Variants in SIGMAR1 observed in about 807,000 individuals in gnomAD.
SIGMAR1 encodes sigma non-opioid intracellular receptor 1.
Under a neutral mutation model 25.4 loss-of-function variants are expected in SIGMAR1, and 18 were observed. The observed-to-expected ratio is 0.71, with a 90% CI of 0.49 to 1.05. The LOEUF (loss-of-function observed/expected upper bound fraction) is 1.05. Among genes scored for constraint, SIGMAR1 ranks in the 50% least tolerant of loss-of-function variants. The pLI is 0.00. For missense variants in SIGMAR1, 249 were observed against 301.6 expected (o/e 0.83, Z 1.29); for synonymous variants, 125 against 131.6 (o/e 0.95, Z 0.34).
chr9:34,637,158 AAGG>A, intron 2 of SIGMAR1, 59 bp downstream of exon 2: 1 of 1,595,760 alleles, frequency 6.3e-7, no homozygotes, highest in South Asian at 1.1e-5. Flanking sequence ...AAACATCAGA[AAGG>A]AGGGCATGGG....
Position 34,635,956 on chromosome 9 carries a change from G to A in SIGMAR1, c.446-98C>T, listed in dbSNP as rs1820841554. ...CATGGACTAACTAGGGGTGGGGAAT[G>A]GAGAGGGAGCTTCAGAAAAACAAAA... On this transcript the variant is annotated intron_variant, in intron 3 of 3. Coordinates refer to ENST00000277010, the MANE Select transcript of SIGMAR1 (RefSeq NM_005866.4). This position sits in a 1 kb window ranked among gnomAD's most constrained non-coding sequence, Gnocchi z 4.5. 1.3e-6 allele frequency: 2 copies of A among 1,547,550 alleles called. No homozygotes were observed. The highest frequency in any genetic ancestry group is 1.8e-6 in the Non-Finnish European group (2 of 1,142,832).
At chr9:34,637,161 G>A in intron 2 of SIGMAR1, 59 bp downstream of exon 2, 1 of 1,589,834 alleles carries the variant, frequency 6.3e-7, no homozygotes, top group Non-Finnish European at 8.5e-7. Flanking sequence ...CATCAGAAAG[G>A]AGGGCATGGG....
At position 34,637,365 on chromosome 9, in the gene SIGMAR1, G is replaced by T; in HGVS notation, c.207C>A (p.His69Gln). 1 of 1,605,750 alleles carries T rather than the reference G, an allele frequency of 6.2e-7. No homozygotes were observed. The highest frequency in any genetic ancestry group is 8.5e-7 in the Non-Finnish European group (1 of 1,179,494). The change falls in exon 2 of 4, where the codon CAC becomes CAA. Residue 69 changes from histidine to glutamine, a missense_variant. Transcript: ENST00000277010. ...CCTCGTCGGGCAGCACGTGGCCTGG[G>T]TGCAGCCGCCGCAGCTCCACGATCA... Reference protein sequence around the residue: ...SRLIVELRRLHPGHVLPDEEL... With the variant: ...SRLIVELRRLQPGHVLPDEEL...
Position 34,637,247 on chromosome 9 carries a change from T to C in SIGMAR1, c.325A>G (p.Thr109Ala). Residue 109 changes from threonine to alanine, a missense_variant, in exon 2 of 4, where the codon ACC (threonine) becomes GCC (alanine). By Grantham distance (58) the Thr-to-Ala change is moderately conservative. Transcript: ENST00000277010. ...GAGTGGCCGCGGGAGCCCAAGGCGGTGCCGAAGAGCAGCACATACTCGGAC... is the reference window on the plus strand; with the variant it reads ...GAGTGGCCGCGGGAGCCCAAGGCGGCGCCGAAGAGCAGCACATACTCGGAC... ...SLSEYVLLFG[T>A]ALGSRGHSGR... The C allele has an allele frequency of 6.4e-7, 1 of 1,561,976 alleles. No individual in the cohort carries two copies. Among genetic ancestry groups the C allele is most frequent in the Non-Finnish European group, 8.6e-7 (1 of 1,158,248 alleles).
In SIGMAR1 at chr9:34,635,603, T is replaced by A; in HGVS notation, c.*29A>T. 6.2e-7 allele frequency: 1 copy of A among 1,613,840 alleles called. No homozygotes were observed. The highest frequency in any genetic ancestry group is 8.5e-7 in the Non-Finnish European group (1 of 1,179,846). On this transcript the variant is annotated 3_prime_UTR_variant, in exon 4 of 4. Coordinates refer to ENST00000277010, the MANE Select transcript of SIGMAR1 (RefSeq NM_005866.4). This position sits in a 1 kb window ranked among gnomAD's most constrained non-coding sequence, Gnocchi z 4.5. ...GTGCGGGCCTGCCCGCTCCTGTCTATCCGCAGGTCTTCCTTCAGGCCTGGC... is the reference window on the plus strand; with the variant it reads ...GTGCGGGCCTGCCCGCTCCTGTCTAACCGCAGGTCTTCCTTCAGGCCTGGC...
At chr9:34,636,932 C>T in intron 3 of SIGMAR1, 65 bp downstream of exon 3, 3 of 1,326,238 alleles carry the variant, frequency 2.3e-6, no homozygotes, top group Non-Finnish European at 2.1e-6. Flanking sequence ...ATGCCATGCT[C>T]CCCGCAATTG....
chr9:34,636,823 C>A, intron 3 of SIGMAR1, 174 bp downstream of exon 3: 1 of 653,598 alleles, frequency 1.5e-6, no homozygotes, highest in Non-Finnish European at 2.8e-6. Flanking sequence ...CAGAGGAAAG[C>A]AAGAGTCCCT....
chr9:34,637,482 G>C, intron 1 of SIGMAR1, 62 bp from the exon 2 acceptor site: 1 of 1,581,238 alleles, frequency 6.3e-7, no homozygotes, highest in Non-Finnish European at 8.5e-7. Context: ...CGGGGATGGC[G>C]CCTTCGGAAC....
Position 34,635,132 on chromosome 9 carries a change from G to A in SIGMAR1, c.*500C>T. ...ATATGGTGAGGACAGGGGAGAAGGG[G>A]AAGGGCATCATAGCTGCAGGTGAAG... On this transcript the variant is annotated 3_prime_UTR_variant, in exon 4 of 4. Coordinates refer to ENST00000277010, the MANE Select transcript of SIGMAR1 (RefSeq NM_005866.4). The surrounding 1 kb of genome is among the most constrained non-coding windows in gnomAD (Gnocchi z 4.5). 4.1e-6 allele frequency: 1 copy of A among 241,814 alleles called. No homozygotes were observed. The highest frequency in any genetic ancestry group is 5.3e-5 in the South Asian group (1 of 18,738). The allele number at this position is 241,814 out of a possible 1,614,324, so 15.0% of individuals were successfully genotyped here. A position where few individuals can be genotyped will look rare whatever the true frequency, so the allele number is the denominator to read the frequency against.
At chr9:34,636,912 C>T in intron 3 of SIGMAR1, 85 bp downstream of exon 3, 2 of 1,127,188 alleles carry the variant, frequency 1.8e-6, no homozygotes, top group South Asian at 1.3e-5. Flanking sequence ...CCCCAACACA[C>T]TCCTTTTCCA....
Position 34,635,832 on chromosome 9 carries a change from CACCAGGCCCGTGTACT to C in SIGMAR1, c.456_471del (p.Val153ArgfsTer104). The stretch of plus-strand genomic sequence containing the variant: ...GGCCCCCACTCCACAGCTGTTGCCT[CACCAGGCCCGTGTACT>C]ACCGTCTCCCCTGGGGGACAGGGAG... On this transcript the variant is annotated frameshift_variant, in exon 4 of 4. Transcript: ENST00000277010. LOFTEE classifies it high-confidence loss of function. This position sits in a 1 kb window ranked among gnomAD's most constrained non-coding sequence, Gnocchi z 4.5. 6.8e-6 allele frequency: 11 copies of C among 1,614,188 alleles called. No homozygotes were observed. The highest frequency in any genetic ancestry group is 9.3e-6 in the Non-Finnish European group (11 of 1,180,042).
At position 34,635,529 on chromosome 9, in the gene SIGMAR1, G is replaced by C; in HGVS notation, c.*103C>G. On this transcript the variant is annotated 3_prime_UTR_variant, in exon 4 of 4. Coordinates refer to ENST00000277010, the MANE Select transcript of SIGMAR1 (RefSeq NM_005866.4). This position sits in a 1 kb window ranked among gnomAD's most constrained non-coding sequence, Gnocchi z 4.5. ...CTCATACAGCAGGAACTCAGGATCT[G>C]CATGGTGTATGTCCCTGTCTGTAAA... is the stretch of plus-strand genomic sequence containing the variant. 6.5e-7 allele frequency: 1 copy of C among 1,532,088 alleles called. No homozygotes were observed. Among genetic ancestry groups the C allele is most frequent in the Non-Finnish European group, 8.9e-7 (1 of 1,125,400 alleles). The allele number at this position is 1,532,088 out of a possible 1,614,324, so 94.9% of individuals were successfully genotyped here. A position where few individuals can be genotyped will look rare whatever the true frequency, so the allele number is the denominator to read the frequency against.
At position 34,635,482 on chromosome 9, in the gene SIGMAR1, T is replaced by A. The variant is rs1820811079; in HGVS notation, c.*150A>T. ...GTTCCCATGGGTCTCTGTGTTTGGA[T>A]ACATAAGCATGGATATCCCTGCTCA... On this transcript the variant is annotated 3_prime_UTR_variant, in exon 4 of 4. Transcript: ENST00000277010. The surrounding 1 kb of genome is among the most constrained non-coding windows in gnomAD (Gnocchi z 4.5). 3 of 1,186,658 alleles carry A rather than the reference T, an allele frequency of 2.5e-6. No homozygotes were observed. In the Admixed American group the frequency reaches 6.0e-5, roughly 24 times the overall value. The allele number at this position is 1,186,658 out of a possible 1,614,324, so 73.5% of individuals were successfully genotyped here.
chr9:34,637,536 T>G lies in SIGMAR1; in HGVS notation c.151+11A>C, dbSNP rs749915657. 1 of 1,585,474 alleles carries G rather than the reference T, an allele frequency of 6.3e-7. No individual in the cohort carries two copies. The highest frequency in any genetic ancestry group is 2.3e-5 in the East Asian group (1 of 43,576). ...GCCGGCCGCTCCCCTCCCTGCCCTCTGCCCGCTCACCAGCGTACTGCCGCG... is the reference window on the plus strand; with the variant it reads ...GCCGGCCGCTCCCCTCCCTGCCCTCGGCCCGCTCACCAGCGTACTGCCGCG... On this transcript the variant is annotated intron_variant, in intron 1 of 3. Transcript: ENST00000277010.
chr9:34,635,677 G>C lies in SIGMAR1; in HGVS notation c.627C>G (p.Gly209=). 6.2e-7 allele frequency: 1 copy of C among 1,614,240 alleles called. No individual in the cohort carries two copies. The highest frequency in any genetic ancestry group is 1.3e-5 in the African/African-American group (1 of 75,070). Residue 209 remains glycine (G), a synonymous_variant, in exon 4 of 4, where the codon GGC becomes GGG. Transcript: ENST00000277010. This position sits in a 1 kb window ranked among gnomAD's most constrained non-coding sequence, Gnocchi z 4.5. ...GGTAGGTGGTGAGCTCAAGCCGGAG[G>C]CCCCGAGCATAGGAGCGAAGAGTAT... The part of the protein sequence containing the change: ...LFYTLRSYAR[G]LRLELTTYLF...
rs768783740 is a variant in SIGMAR1, at chr9:34,635,581, C to A, written c.*51G>T. 23 of 1,610,196 alleles carry A rather than the reference C, an allele frequency of 1.4e-5. No individual in the cohort carries two copies. Among genetic ancestry groups the A allele is most frequent in the South Asian group, 2.2e-5 (2 of 90,344 alleles). ...ATGGGCTCCAGCAAGTGGATATGTG[C>A]GGGCCTGCCCGCTCCTGTCTATCCG... On this transcript the variant is annotated 3_prime_UTR_variant, in exon 4 of 4. Transcript: ENST00000277010. This position sits in a 1 kb window ranked among gnomAD's most constrained non-coding sequence, Gnocchi z 4.5.
At position 34,637,086 on chromosome 9, in the gene SIGMAR1, C is replaced by T. The variant is rs1419128565; in HGVS notation, c.356G>A (p.Arg119His). 1.2e-6 allele frequency: 2 copies of T among 1,613,882 alleles called. No homozygotes were observed. The highest frequency in any genetic ancestry group is 1.7e-6 in the Non-Finnish European group (2 of 1,180,038). Residue 119 changes from arginine to histidine, a missense_variant, in exon 3 of 4, where the codon CGC becomes CAC. By Grantham distance (29) the Arg-to-His change is conservative. Transcript: ENST00000277010. ...GGTATCCGAGATCTCAGCCCAGTAG[C>T]GCCCTGAGTGACAATCGCACATGAC... Reference protein sequence around the residue: ...TALGSRGHSGRYWAEISDTII... With the variant: ...TALGSRGHSGHYWAEISDTII...
chr9:34,635,484 C>T lies in SIGMAR1; in HGVS notation c.*148G>A, dbSNP rs569946751. ...TCCCATGGGTCTCTGTGTTTGGATA[C>T]ATAAGCATGGATATCCCTGCTCATA... On this transcript the variant is annotated 3_prime_UTR_variant, in exon 4 of 4. Transcript: ENST00000277010. This position sits in a 1 kb window ranked among gnomAD's most constrained non-coding sequence, Gnocchi z 4.5. 44 of 1,207,028 alleles carry T rather than the reference C, an allele frequency of 3.6e-5. No individual in the cohort carries two copies. In the East Asian group the frequency reaches 1.1e-3, roughly 29 times the overall value. 74.8% of individuals were successfully genotyped at this position (1,207,028 alleles called of 1,614,324 possible).
Position 34,635,271 on chromosome 9 carries a change from G to A in SIGMAR1, c.*361C>T, listed in dbSNP as rs548225719. 1.1e-3 allele frequency: 399 copies of A among 360,792 alleles called. No homozygotes were observed. Among genetic ancestry groups the A allele is most frequent in the Non-Finnish European group, 1.8e-3 (340 of 186,516 alleles). 22.3% of individuals were successfully genotyped at this position (360,792 alleles called of 1,614,324 possible). On this transcript the variant is annotated 3_prime_UTR_variant, in exon 4 of 4. Coordinates refer to ENST00000277010, the MANE Select transcript of SIGMAR1 (RefSeq NM_005866.4). This position sits in a 1 kb window ranked among gnomAD's most constrained non-coding sequence, Gnocchi z 4.5. ...CCCCCATCCTTAACTCTAGAACCCC[G>A]GTTTGGTGGGGAGGAGGTGGGAAGC...
Sources: gnomAD v4.1 joint callset for allele counts on GRCh38, gnomAD v4.1.1 for gene constraint, Gnocchi (gnomAD v3.1) non-coding constraint, MANE v1.5 for transcripts, NCBI Gene and HGNC (gene_info 2026-07-23, HGNC 2026-07-21) for gene names.